LUZP2: variants seen among roughly 807,000 people sequenced by gnomAD.
The protein encoded by LUZP2 is leucine zipper protein 2.
Under a neutral mutation model 51.6 loss-of-function variants are expected in LUZP2, and 52 were observed. The observed-to-expected ratio is 1.01, with a 90% CI of 0.81 to 1.27. The LOEUF is 1.27. Ranked by LOEUF, LUZP2 falls within the 50% of genes most tolerant of loss-of-function variation. The pLI is 0.00. For synonymous variants in LUZP2, 154 were observed against 137.3 expected (o/e 1.12, Z -0.85); for missense variants, 436 against 395.4 (o/e 1.10, Z -0.87).
intron 1 of LUZP2, among the ~76,000 whole-genome samples, chr11:24,512,906 C>G (rs7108220): frequency 6.6e-6 from 1 of 151,950 alleles, no homozygotes; most frequent in African/African-American, 2.4e-5. Flanking sequence ...CATGCTGCCA[C>G]GCCCAGCTAA....
At chr11:25,022,702 G>A (rs764184644) in intron 9 of LUZP2, among the ~76,000 whole-genome samples, 2 of 152,052 alleles carry the variant, frequency 1.3e-5, no homozygotes, top group Admixed American at 1.3e-4. Context: ...TAAATCAATA[G>A]TACTGGACAG....
intron 1 of LUZP2, among the ~76,000 whole-genome samples, chr11:24,619,005 A>ATTATTTAT (rs66554611): frequency 1.9e-4 from 27 of 143,946 alleles, no homozygotes; most frequent in South Asian, 9.1e-4. Context: ...ACCACTTAGC[A>ATTATTTAT]TTATTTATTT....
At chr11:24,640,998 GATA>G (rs1855262590) in intron 1 of LUZP2, among the ~76,000 whole-genome samples, 1 of 99,948 alleles carries the variant, frequency 1.0e-5, no homozygotes, top group Non-Finnish European at 2.1e-5. Flanking sequence ...TATAGATATA[GATA>G]TAGATATAGA....
At chr11:24,565,653 T>A (rs760295022) in intron 1 of LUZP2, among the ~76,000 whole-genome samples, 8 of 152,144 alleles carry the variant, frequency 5.3e-5, no homozygotes, top group Non-Finnish European at 1.2e-4. Flanking sequence ...TATTTTTAAA[T>A]GACCAAACTG....
At chr11:25,014,398 C>A (rs1411757484) in intron 9 of LUZP2, among the ~76,000 whole-genome samples, 2 of 152,212 alleles carry the variant, frequency 1.3e-5, no homozygotes, top group African/African-American at 2.4e-5. Context: ...TCTCCACATC[C>A]TCTCCAGCAC....
rs564355902 is a variant in LUZP2, at chr11:24,823,549, GA to G, written c.396+60243del. Among the ~76,000 whole-genome samples, 1,031 of 152,182 alleles carry G rather than the reference GA, an allele frequency of 6.8e-3. 5 individuals carry two copies. Among genetic ancestry groups the G allele is most frequent in the Non-Finnish European group, 0.011 (741 of 67,998 alleles). ...TAACAAAATGATTCTATTCATTTGT[GA>G]AGAATGGATTATGGAGGGGCAGTAG... On this transcript the variant is annotated intron_variant, in intron 5 of 11. Coordinates refer to ENST00000336930, the MANE Select transcript of LUZP2 (RefSeq NM_001009909.4).
chr11:24,918,103 A>C (rs1853860497), intron 7 of LUZP2, among the ~76,000 whole-genome samples: 2 of 152,026 alleles, frequency 1.3e-5, no homozygotes, highest in South Asian at 4.1e-4. Context: ...AGCAATTGTG[A>C]ATGGGAGTTC....
At chr11:24,548,715 A>G (rs1851635058) in intron 1 of LUZP2, among the ~76,000 whole-genome samples, 1 of 151,972 alleles carries the variant, frequency 6.6e-6, no homozygotes, top group Non-Finnish European at 1.5e-5. Context: ...AAAAGTTGCA[A>G]AGAAATAGAT....
chr11:24,986,537 CTG>C (rs61367765), intron 9 of LUZP2, among the ~76,000 whole-genome samples: 67,295 of 145,558 alleles, frequency 0.46, 15,588 homozygotes, highest in Middle Eastern at 0.5. Context: ...TAGCATGCCT[CTG>C]TGTGTGTGTG....
chr11:24,921,780 T>A (rs1854066848), intron 7 of LUZP2, among the ~76,000 whole-genome samples: 1 of 152,214 alleles, frequency 6.6e-6, no homozygotes, highest in African/African-American at 2.4e-5. Context: ...GATTTGAATG[T>A]CTACAGATTT....
intron 9 of LUZP2, among the ~76,000 whole-genome samples, chr11:25,003,105 A>C (rs949558869): frequency 1.3e-5 from 2 of 152,166 alleles, no homozygotes; most frequent in African/African-American, 2.4e-5. Context: ...TTCAACCTAG[A>C]CACCTTGTAC....
At chr11:24,580,570 C>T (rs2133820389) in intron 1 of LUZP2, among the ~76,000 whole-genome samples, 1 of 151,812 alleles carries the variant, frequency 6.6e-6, no homozygotes, top group Admixed American at 6.6e-5. Flanking sequence ...TTTGGAGTCT[C>T]ACATTGAAAA....
At chr11:25,005,339 A>G (rs978676949) in intron 9 of LUZP2, among the ~76,000 whole-genome samples, 1 of 152,194 alleles carries the variant, frequency 6.6e-6, no homozygotes, top group African/African-American at 2.4e-5. Context: ...CCTTCAATTA[A>G]AAGAAAGCTT....
chr11:25,026,044 A>C (rs143063909), intron 9 of LUZP2, among the ~76,000 whole-genome samples: 5,767 of 151,882 alleles, frequency 0.038, 349 homozygotes, highest in African/African-American at 0.13. Context: ...TTGCAAGGAC[A>C]AAAAACCAAA....
At chr11:24,891,471 T>C in intron 5 of LUZP2, 1 of 946,290 alleles carries the variant, frequency 1.1e-6, no homozygotes, top group Non-Finnish European at 1.3e-6. Flanking sequence ...AAGATTTAAA[T>C]ACTTTACTAT....
At chr11:24,715,246 C>T (rs1035473779) in intron 1 of LUZP2, among the ~76,000 whole-genome samples, 5 of 140,894 alleles carry the variant, frequency 3.5e-5, no homozygotes, top group African/African-American at 1.3e-4. Context: ...TTATGGTATC[C>T]AATTCAAGGA....
intron 1 of LUZP2, among the ~76,000 whole-genome samples, chr11:24,603,198 A>G (rs1853805237): frequency 6.6e-6 from 1 of 151,806 alleles, no homozygotes; most frequent in East Asian, 1.9e-4. Context: ...AAACCCCAAG[A>G]TGAGGATGAA....
At position 24,586,310 on chromosome 11, in the gene LUZP2, C is replaced by A. The variant is rs1296788016; in HGVS notation, c.62+89005C>A. Reference sequence around the variant, plus strand: ...TCACCTTTGCTATCTGCTCTTGAAGCCATTATGCTTCTGTTTAGTTTTTCA... The same window carrying A: ...TCACCTTTGCTATCTGCTCTTGAAGACATTATGCTTCTGTTTAGTTTTTCA... On this transcript the variant is annotated intron_variant, in intron 1 of 11. Transcript: ENST00000336930. Among the ~76,000 whole-genome samples the A allele has an allele frequency of 3.3e-5, 5 of 152,146 alleles. No individual in the cohort carries two copies. In the East Asian group the frequency reaches 9.6e-4, roughly 29 times the overall value.
At chr11:24,920,140 G>C (rs1039744258) in intron 7 of LUZP2, among the ~76,000 whole-genome samples, 4 of 151,826 alleles carry the variant, frequency 2.6e-5, no homozygotes, top group African/African-American at 9.7e-5. Flanking sequence ...ATACTCCCAA[G>C]TCACAAAAAA....
Sources: allele counts gnomAD v4.1 joint callset (sites outside exome capture counted in the v4.1 genomes callset), GRCh38; gene constraint gnomAD v4.1.1; transcripts MANE v1.5; gene names NCBI Gene and HGNC (gene_info 2026-07-23, HGNC 2026-07-21).